Variants in SEM1 observed in about 807,000 individuals in gnomAD.
SEM1 encodes SEM1 26S proteasome subunit.
A neutral mutation model predicts 12.7 loss-of-function variants in SEM1; 3 were observed. The ratio of observed to expected loss-of-function variants is 0.24; its 90% CI spans 0.11 to 0.61. SEM1 has a LOEUF of 0.61. Ranked by LOEUF, SEM1 falls within the 20% of genes least tolerant of loss-of-function variation. SEM1 has a pLI of 0.88. For missense variants in SEM1, 59 were observed against 81.3 expected (o/e 0.73, Z 1.06); for synonymous variants, 30 against 27.8 (o/e 1.08, Z -0.25).
intron 2 of SEM1, among the ~76,000 whole-genome samples, chr7:96,520,510 C>T (rs997589408): frequency 2.6e-5 from 4 of 152,124 alleles, no homozygotes; most frequent in African/African-American, 7.2e-5. Context: ...TTTCAGTTCA[C>T]ACCTGAAAAT....
intron 2 of SEM1, among the ~76,000 whole-genome samples, chr7:96,534,944 T>G (rs911378664): frequency 6.6e-6 from 1 of 151,974 alleles, no homozygotes; most frequent in African/African-American, 2.4e-5. Context: ...CCAATAAATA[T>G]AACCCATATA....
intron 1 of SEM1, among the ~76,000 whole-genome samples, chr7:96,495,655 T>C (rs1415189511): frequency 1.3e-5 from 2 of 152,150 alleles, no homozygotes; most frequent in African/African-American, 4.8e-5. Flanking sequence ...TTAGGGCTAA[T>C]TTCATGGATG....
chr7:96,599,069 G>A (rs886923978), intron 2 of SEM1, among the ~76,000 whole-genome samples: 4 of 152,010 alleles, frequency 2.6e-5, no homozygotes, highest in African/African-American at 9.7e-5. Context: ...AGGAAGGAAG[G>A]AAGAAGGAAG....
intron 2 of SEM1, among the ~76,000 whole-genome samples, chr7:96,549,420 T>G (rs1364404445): frequency 1.3e-5 from 2 of 152,170 alleles, no homozygotes; most frequent in Admixed American, 6.5e-5. Context: ...ATCAAGAATG[T>G]CCAATAACAG....
chr7:96,572,303 T>A (rs983803116), intron 2 of SEM1, among the ~76,000 whole-genome samples: 3 of 152,190 alleles, frequency 2.0e-5, no homozygotes, highest in Non-Finnish European at 2.9e-5. Context: ...CTGATCTTAG[T>A]TATTTCTTGT....
intron 2 of SEM1, among the ~76,000 whole-genome samples, chr7:96,560,843 A>T (rs73224522): frequency 0.16 from 23,773 of 152,098 alleles, 1,934 homozygotes; most frequent in Middle Eastern, 0.22. Context: ...TTGATTTTAA[A>T]TAACACCCTA....
At chr7:96,603,421 A>G (rs529883620) in intron 2 of SEM1, among the ~76,000 whole-genome samples, 29 of 152,284 alleles carry the variant, frequency 1.9e-4, no homozygotes, top group Non-Finnish European at 3.7e-4. Flanking sequence ...ATGGAGGAAG[A>G]TGTGGCTGTC....
At chr7:96,590,423 A>T (rs980751641) in intron 2 of SEM1, among the ~76,000 whole-genome samples, 5 of 152,106 alleles carry the variant, frequency 3.3e-5, no homozygotes, top group Admixed American at 6.6e-5. Flanking sequence ...GTCACAGGAA[A>T]CTCCACGAAC....
chr7:96,574,623 C>T (rs1173350521), intron 2 of SEM1, among the ~76,000 whole-genome samples: 1 of 152,158 alleles, frequency 6.6e-6, no homozygotes, highest in Non-Finnish European at 1.5e-5. Flanking sequence ...TTAATGATCG[C>T]ACATGGTCCC....
In SEM1 at chr7:96,503,808, T is replaced by C. The variant is rs536303868; in HGVS notation, c.*60+2815A>G. 1.6e-4 allele frequency among the ~76,000 whole-genome samples: 24 copies of C among 152,226 alleles called. No individual in the cohort carries two copies. In the South Asian group the frequency reaches 4.1e-3, roughly 26 times the overall value. On this transcript the variant is annotated intron_variant and NMD_transcript_variant, in intron 3 of 3. Transcript: ENST00000466986. ...GCTGCATGAGCTCTGACATTAGTTGTTGGTAAAGTGCATGGGGTCAGGGTT... is the reference window on the plus strand; with the variant it reads ...GCTGCATGAGCTCTGACATTAGTTGCTGGTAAAGTGCATGGGGTCAGGGTT...
downstream of SEM1, among the ~76,000 whole-genome samples, chr7:96,687,400 T>C (rs1054463816): frequency 1.3e-5 from 2 of 152,174 alleles, no homozygotes; most frequent in Admixed American, 6.5e-5. Context: ...TGTCCAGCGA[T>C]AGACTGGATT....
rs142061438 is a variant in SEM1 at position 96,492,169 on chromosome 7, C to T, written c.12+4115G>A. 3.3e-4 allele frequency among the ~76,000 whole-genome samples: 50 copies of T among 152,278 alleles called. 1 individual carries two copies. The East Asian group carries it at 8.3e-3, about 25-fold the overall frequency. On this transcript the variant is annotated intron_variant, in intron 1 of 3. Coordinates refer to the SEM1 transcript ENST00000356686. ...ATTGTTCTGCAACTGTCACCACCAT[C>T]GTCTCCAGAATGTTTTCATCTTTCC...
intron 3 of SEM1, among the ~76,000 whole-genome samples, chr7:96,484,381 A>G (rs1263330704): frequency 1.3e-5 from 2 of 152,166 alleles, no homozygotes. Context: ...ACATCAAACT[A>G]TGGCATCTCT....
chr7:96,547,574 T>A (rs1296698931), intron 2 of SEM1, among the ~76,000 whole-genome samples: 1 of 152,170 alleles, frequency 6.6e-6, no homozygotes, highest in African/African-American at 2.4e-5. Context: ...AGTTCCTAAG[T>A]GAGTCATGTT....
intron 2 of SEM1, among the ~76,000 whole-genome samples, chr7:96,664,530 T>C (rs958553575): frequency 1.1e-4 from 17 of 152,200 alleles, no homozygotes; most frequent in African/African-American, 4.1e-4. Flanking sequence ...TTTAAGTACT[T>C]GGGTGATTAG....
At chr7:96,607,793 T>A (rs1807427462) in intron 2 of SEM1, among the ~76,000 whole-genome samples, 1 of 152,234 alleles carries the variant, frequency 6.6e-6, no homozygotes, top group Non-Finnish European at 1.5e-5. Context: ...ATGGGATTTT[T>A]ACTTTGGGCT....
chr7:96,650,605 A>G, intron 2 of SEM1: 1 of 680,030 alleles, frequency 1.5e-6, no homozygotes, highest in African/African-American at 1.8e-5. Flanking sequence ...GGTCCCTAAA[A>G]GACATTACTT....
downstream of SEM1, among the ~76,000 whole-genome samples, chr7:96,620,185 G>A (rs1018117075): frequency 1.3e-5 from 2 of 152,016 alleles, no homozygotes; most frequent in African/African-American, 4.8e-5. Context: ...CCTGCGTCCA[G>A]GGTCCAGGGA....
intron 1 of SEM1, among the ~76,000 whole-genome samples, chr7:96,709,012 G>A (rs1260996027): frequency 6.6e-6 from 1 of 152,008 alleles, no homozygotes; most frequent in Non-Finnish European, 1.5e-5. Flanking sequence ...ACAGGGTCTC[G>A]CTATGTTGCC....
Sources: gnomAD v4.1 joint callset for allele counts (sites outside exome capture counted in the v4.1 genomes callset) on GRCh38, gnomAD v4.1.1 for gene constraint, MANE v1.5 for transcripts, NCBI Gene and HGNC (gene_info 2026-07-23, HGNC 2026-07-21) for gene names.